METTL4: variants seen among roughly 807,000 people sequenced by gnomAD.
METTL4 encodes the protein N(6)-adenine-specific methyltransferase METTL4.
Under a neutral mutation model 54.0 loss-of-function variants are expected in METTL4, and 40 were observed. The ratio of observed to expected loss-of-function variants is 0.74; its 90% CI spans 0.58 to 0.96. The LOEUF is 0.96. Among genes scored for constraint, METTL4 ranks in the 50% least tolerant of loss-of-function variants. The pLI is 0.00. For missense variants in METTL4, 525 were observed against 549.0 expected (o/e 0.96, Z 0.44); for synonymous variants, 169 against 183.8 (o/e 0.92, Z 0.65).
chr18:2,551,046 C>G (rs1272383077), intron 5 of METTL4, among the ~76,000 whole-genome samples: 1 of 151,012 alleles, frequency 6.6e-6, no homozygotes, highest in Non-Finnish European at 1.5e-5. Flanking sequence ...CGCCTGTAGT[C>G]CCAGCTACTC....
intron 5 of METTL4, 48 bp from the exon 6 acceptor site, chr18:2,547,577 G>T (rs1356874471): frequency 1.4e-6 from 2 of 1,443,380 alleles, no homozygotes; most frequent in Admixed American, 2.2e-5. Context: ...TGCAAAAGAA[G>T]AAAACTAAGC....
intron 1 of METTL4, among the ~76,000 whole-genome samples, chr18:2,567,967 T>C (rs2072446166): frequency 1.3e-5 from 2 of 152,262 alleles, no homozygotes; most frequent in South Asian, 4.1e-4. Flanking sequence ...CTGTAATTGG[T>C]TCTGAGCAGT....
intron 1 of METTL4, among the ~76,000 whole-genome samples, chr18:2,570,517 G>A (rs1839493184): frequency 6.6e-6 from 1 of 152,200 alleles, no homozygotes; most frequent in Admixed American, 6.5e-5. Flanking sequence ...AAACATTAGT[G>A]CTAAGGATTT....
At chr18:2,565,913 G>A (rs1243303397) in intron 2 of METTL4, among the ~76,000 whole-genome samples, 3 of 152,060 alleles carry the variant, frequency 2.0e-5, no homozygotes, top group Non-Finnish European at 2.9e-5. Flanking sequence ...CAGGCGTGGT[G>A]GCAAGCGCCT....
At chr18:2,565,329 T>TA (rs895441586) in intron 2 of METTL4, among the ~76,000 whole-genome samples, 1 of 151,406 alleles carries the variant, frequency 6.6e-6, no homozygotes, top group Non-Finnish European at 1.5e-5. Context: ...GAGCAACAGA[T>TA]ACTGGGGCCT....
At chr18:2,552,944 TC>T in intron 4 of METTL4, 180 bp from the exon 5 acceptor site, 1 of 548,796 alleles carries the variant, frequency 1.8e-6, no homozygotes, top group Non-Finnish European at 3.2e-6. Flanking sequence ...ATTAGATGTT[TC>T]CTTTACCTCT....
At position 2,550,648 on chromosome 18, in the gene METTL4, GC is replaced by G. The variant is rs1381838343; in HGVS notation, c.899+2046del. The stretch of plus-strand genomic sequence containing the variant: ...AAGCCACCCATAGGATCAAAAATTT[GC>G]TAAACTAACAAAACTTACTGAAAGC... On this transcript the variant is annotated intron_variant, in intron 5 of 8. Coordinates refer to ENST00000574538, the MANE Select transcript of METTL4 (RefSeq NM_022840.5). 2.6e-5 allele frequency among the ~76,000 whole-genome samples: 4 copies of G among 152,216 alleles called. No individual in the cohort carries two copies. In the East Asian group the frequency reaches 7.7e-4, roughly 29 times the overall value.
At chr18:2,552,786 C>T in intron 4 of METTL4, 22 bp from the exon 5 acceptor site, 5 of 1,489,536 alleles carry the variant, frequency 3.4e-6, no homozygotes, top group East Asian at 2.3e-5. Flanking sequence ...GATACAATTT[C>T]AGAAAATACC....
chr18:2,548,512 T>C (rs1048615905), intron 5 of METTL4, among the ~76,000 whole-genome samples: 1 of 152,192 alleles, frequency 6.6e-6, no homozygotes, highest in African/African-American at 2.4e-5. Flanking sequence ...AACACAAAAC[T>C]GGCCACTATT....
rs774616832 is a variant in METTL4, at chr18:2,566,951, C to A, written c.266G>T (p.Arg89Leu). 1.9e-6 allele frequency: 3 copies of A among 1,613,964 alleles called. No homozygotes were observed. Among genetic ancestry groups the A allele is most frequent in the South Asian group, 2.2e-5 (2 of 91,024 alleles). Reference sequence around the variant, plus strand: ...TTTGGTGACATCAAACAGTTCAGGTCGAAAAACAAATTTTCGTGTGAACAT... The same window carrying A: ...TTTGGTGACATCAAACAGTTCAGGTAGAAAAACAAATTTTCGTGTGAACAT... The part of the protein sequence containing the change: ...YEMFTRKFVF[R>L]PELFDVTKPY... Residue 89 changes from arginine (R) to leucine (L), a missense_variant, in exon 2 of 9, where the codon CGA becomes CTA. By Grantham distance (102) the Arg-to-Leu change is moderately radical (BLOSUM62 -2). Transcript: ENST00000574538.
chr18:2,566,700 C>A, intron 2 of METTL4, 121 bp downstream of exon 2: 2 of 757,976 alleles, frequency 2.6e-6, no homozygotes, highest in Non-Finnish European at 3.8e-6. Flanking sequence ...ATGCTAAAGC[C>A]TTTTTGGGTT....
At position 2,547,661 on chromosome 18, in the gene METTL4, T is replaced by C. The variant is rs1024615087; in HGVS notation, c.900-132A>G. The C allele has an allele frequency of 9.6e-6, 6 of 625,968 alleles. No individual in the cohort carries two copies. In the Admixed American group the frequency reaches 1.5e-4, roughly 16 times the overall value. The allele number at this position is 625,968 out of a possible 1,614,324, so 38.8% of individuals were successfully genotyped here. A position where few individuals can be genotyped will look rare whatever the true frequency, so the allele number is the denominator to read the frequency against. On this transcript the variant is annotated intron_variant, in intron 5 of 8. Transcript: ENST00000574538. ...TGCTATTTATTTGTGTAGCAAAATA[T>C]AAAGCCACAGTGACACCCAGTGGAC... is the stretch of plus-strand genomic sequence containing the variant.
rs1005114434 is a variant in METTL4 at position 2,537,916 on chromosome 18, G to A, written c.*1084C>T. 2 of 398,366 alleles carry A rather than the reference G, an allele frequency of 5.0e-6. No homozygotes were observed. The highest frequency in any genetic ancestry group is 8.8e-6 in the Non-Finnish European group (2 of 226,026). 24.7% of individuals were successfully genotyped at this position (398,366 alleles called of 1,614,324 possible). A position where few individuals can be genotyped will look rare whatever the true frequency, so the allele number is the denominator to read the frequency against. Reference sequence around the variant, plus strand: ...TGCCAGGGGCCAAGGATAGGAGCAGGGGATTGACTGCAAAAGGAAAAATGA... The same window carrying A: ...TGCCAGGGGCCAAGGATAGGAGCAGAGGATTGACTGCAAAAGGAAAAATGA... On this transcript the variant is annotated 3_prime_UTR_variant, in exon 9 of 9. Coordinates refer to ENST00000574538, the MANE Select transcript of METTL4 (RefSeq NM_022840.5).
chr18:2,554,414 T>A (rs1266936324), intron 4 of METTL4: 1 of 382,246 alleles, frequency 2.6e-6, no homozygotes, highest in Non-Finnish European at 4.6e-6. Flanking sequence ...GCATACCGAA[T>A]TCCTAAGTAC....
rs565581540 is a variant in METTL4, at chr18:2,538,402, TGCAAATTCAGGTCATACAAGG to T, written c.*577_*597del. The T allele has an allele frequency of 6.5e-6, 1 of 153,326 alleles. No homozygotes were observed. The highest frequency in any genetic ancestry group is 2.1e-4 in the South Asian group (1 of 4,840). 9.5% of individuals were successfully genotyped at this position (153,326 alleles called of 1,614,324 possible). On this transcript the variant is annotated 3_prime_UTR_variant, in exon 9 of 9. Transcript: ENST00000574538. ...CAGAACATAACAGTATACCAGAGGT[TGCAAATTCAGGTCATACAAGG>T]GCCAAGTGGATGACATAAGTGAGCA...
chr18:2,568,111 A>G (rs2072448371), intron 1 of METTL4, among the ~76,000 whole-genome samples: 1 of 152,232 alleles, frequency 6.6e-6, no homozygotes, highest in Non-Finnish European at 1.5e-5. Flanking sequence ...TGAGTGCTTA[A>G]TGGCACAATT....
intron 3 of METTL4, among the ~76,000 whole-genome samples, chr18:2,562,642 A>T (rs1026143712): frequency 6.6e-6 from 1 of 152,246 alleles, no homozygotes; most frequent in Admixed American, 6.5e-5. Context: ...CCTTGAAGAC[A>T]TTATGCTAAA....
intron 8 of METTL4, among the ~76,000 whole-genome samples, chr18:2,541,872 T>C (rs971990806): frequency 7.2e-5 from 11 of 152,134 alleles, no homozygotes; most frequent in Non-Finnish European, 1.6e-4. Context: ...ATATATATCA[T>C]CCCAAACCCC....
chr18:2,568,009 A>T (rs2143604519), intron 1 of METTL4, among the ~76,000 whole-genome samples: 1 of 152,354 alleles, frequency 6.6e-6, no homozygotes, highest in East Asian at 1.9e-4. Context: ...CTCAGAACTA[A>T]CCTTTTTTCA....
Sources: allele counts gnomAD v4.1 joint callset (sites outside exome capture counted in the v4.1 genomes callset), GRCh38; gene constraint gnomAD v4.1.1; transcripts MANE v1.5; gene names NCBI Gene and HGNC (gene_info 2026-07-23, HGNC 2026-07-21).